Variants in DLGAP1 observed in about 807,000 individuals in gnomAD.
DLGAP1 encodes the protein DLG associated protein 1, also known as disks large-associated protein 1.
A neutral mutation model predicts 90.8 loss-of-function variants in DLGAP1; 11 were observed. The observed-to-expected ratio is 0.12, with a 90% CI of 0.08 to 0.20. DLGAP1 has a LOEUF of 0.20. DLGAP1 is among the 10% of genes least tolerant of loss of function. The pLI is 1.00. For synonymous variants in DLGAP1, 558 were observed against 540.7 expected, an observed-to-expected ratio of 1.03 and a Z score of -0.44; for missense variants, 1,050 against 1,333.8, an observed-to-expected ratio of 0.79 and a Z score of 3.31.
At chr18:4,142,553 T>A (rs1521421) in intron 2 of DLGAP1, among the ~76,000 whole-genome samples, 15,127 of 152,192 alleles carry the variant, frequency 0.099, 905 homozygotes, top group East Asian at 0.19. Context: ...GTCTGAAAAA[T>A]TCAAGTTATC....
In DLGAP1 at chr18:3,653,614, A is replaced by G. The variant is rs2059387607; in HGVS notation, c.1592-71366T>C. ...AGAAACAAAACTGCCTGCCATAGAC[A>G]CTTGGTAGGGAGTGGCAAATGGAAT... On this transcript the variant is annotated intron_variant, in intron 7 of 12. Coordinates refer to ENST00000315677, the MANE Select transcript of DLGAP1 (RefSeq NM_004746.4). This position sits in a 1 kb window ranked among gnomAD's most constrained non-coding sequence, Gnocchi z 4.6. The G allele has an allele frequency of 6.6e-6, 1 of 152,200 alleles. No individual in the cohort carries two copies. Among genetic ancestry groups the G allele is most frequent in the African/African-American group, 2.4e-5 (1 of 41,446 alleles). 9.4% of individuals were successfully genotyped at this position (152,200 alleles called of 1,614,324 possible).
intron 2 of DLGAP1, among the ~76,000 whole-genome samples, chr18:4,068,439 T>C (rs2075401372): frequency 6.6e-6 from 1 of 151,794 alleles, no homozygotes; most frequent in Non-Finnish European, 1.5e-5. Context: ...TATTTTTCCA[T>C]ATATTTACAT....
intron 7 of DLGAP1, among the ~76,000 whole-genome samples, chr18:3,694,180 G>T (rs1185512401): frequency 6.6e-6 from 1 of 152,028 alleles, no homozygotes; most frequent in Non-Finnish European, 1.5e-5. Context: ...GAATGATGGT[G>T]TCCAGCTTCA....
At chr18:3,874,716 C>G (rs1191547864) in intron 4 of DLGAP1, 10 of 1,533,034 alleles carry the variant, frequency 6.5e-6, no homozygotes, top group Non-Finnish European at 8.7e-6. Context: ...TGTTCCTGCT[C>G]CCAACCCTAA....
intron 7 of DLGAP1, among the ~76,000 whole-genome samples, chr18:3,728,649 G>A (rs892515142): frequency 1.3e-5 from 2 of 152,116 alleles, no homozygotes; most frequent in Admixed American, 6.5e-5. Flanking sequence ...TGGGTCATCC[G>A]TTTCTTCTTA....
intron 3 of DLGAP1, chr18:3,892,114 AACACACACACACACACACACACACAC>A (rs3985698): frequency 1.7e-4 from 23 of 132,404 alleles, no homozygotes; most frequent in African/African-American, 4.6e-4. Context: ...TCACCTCTAA[AACACACACACACACACACACACACAC>A]ACACACACAC....
At chr18:3,907,477 C>T (rs1392660304) in intron 3 of DLGAP1, among the ~76,000 whole-genome samples, 1 of 152,126 alleles carries the variant, frequency 6.6e-6, no homozygotes, top group African/African-American at 2.4e-5. Flanking sequence ...AGATCTCTTG[C>T]CTAAATTCCA....
intron 2 of DLGAP1, among the ~76,000 whole-genome samples, chr18:4,035,062 TAATC>T (rs1038617813): frequency 6.6e-6 from 1 of 152,224 alleles, no homozygotes; most frequent in African/African-American, 2.4e-5. Context: ...CGCATTTTCT[TAATC>T]CAGTCTATCA....
At chr18:4,143,577 G>A (rs2076531596) in intron 2 of DLGAP1, among the ~76,000 whole-genome samples, 1 of 151,876 alleles carries the variant, frequency 6.6e-6, no homozygotes, top group East Asian at 2.0e-4. Context: ...CCTGGTACTG[G>A]GTACCCCAAG....
intron 9 of DLGAP1, among the ~76,000 whole-genome samples, chr18:3,552,112 C>T (rs912786423): frequency 1.1e-4 from 16 of 152,052 alleles, no homozygotes; most frequent in African/African-American, 3.9e-4. Flanking sequence ...AGCAAGAGCA[C>T]TTTTCACTTC....
intron 9 of DLGAP1, among the ~76,000 whole-genome samples, chr18:3,540,873 G>GA (rs1207255536): frequency 1.3e-5 from 2 of 152,202 alleles, no homozygotes; most frequent in African/African-American, 4.8e-5. Context: ...AAAATAATGA[G>GA]AGTGGACGTG....
At position 3,729,473 on chromosome 18, in the gene DLGAP1, G is replaced by A; in HGVS notation, c.1351-98C>T. On this transcript the variant is annotated intron_variant, in intron 6 of 12. Transcript: ENST00000315677. This position sits in a 1 kb window ranked among gnomAD's most constrained non-coding sequence, Gnocchi z 6.2. Reference sequence around the variant, plus strand: ...ACTTCAATCCCCAGAAGAAAAAGCAGCGTCTGGTTAGATTAAGCTCAAATG... The same window carrying A: ...ACTTCAATCCCCAGAAGAAAAAGCAACGTCTGGTTAGATTAAGCTCAAATG... 3 of 1,492,566 alleles carry A rather than the reference G, an allele frequency of 2.0e-6. No homozygotes were observed. Among genetic ancestry groups the A allele is most frequent in the Non-Finnish European group, 2.7e-6 (3 of 1,109,702 alleles). 92.5% of individuals were successfully genotyped at this position (1,492,566 alleles called of 1,614,324 possible). A position where few individuals can be genotyped will look rare whatever the true frequency, so the allele number is the denominator to read the frequency against.
intron 1 of DLGAP1, among the ~76,000 whole-genome samples, chr18:4,287,910 G>A (rs114831696): frequency 0.03 from 4,606 of 151,584 alleles, 158 homozygotes; most frequent in African/African-American, 0.085. Context: ...AAAAAAGAGC[G>A]GGTACCCTGC....
At chr18:3,553,120 G>A (rs528647374) in intron 9 of DLGAP1, among the ~76,000 whole-genome samples, 1 of 152,098 alleles carries the variant, frequency 6.6e-6, no homozygotes, top group Admixed American at 6.6e-5. Flanking sequence ...TAAAAGTAAT[G>A]TTGATAATCC....
rs570178598 is a variant in DLGAP1, at chr18:4,022,009, C to A, written c.-158-16808G>T. ...AAGGAGGTATTATCACATTTTCTGT[C>A]CCCTAGTGAGAAAGACTAATCCTTT... On this transcript the variant is annotated intron_variant, in intron 2 of 12. Transcript: ENST00000315677. Among the ~76,000 whole-genome samples the A allele has an allele frequency of 3.3e-5, 5 of 152,236 alleles. No homozygotes were observed. In the East Asian group the frequency reaches 9.7e-4, roughly 29 times the overall value.
intron 3 of DLGAP1, among the ~76,000 whole-genome samples, chr18:3,940,428 A>G (rs2072743048): frequency 6.6e-6 from 1 of 152,220 alleles, no homozygotes; most frequent in Admixed American, 6.5e-5. Context: ...TTTGTTATGC[A>G]ATAATAGATT....
At chr18:3,832,656 A>C (rs886360383) in intron 4 of DLGAP1, among the ~76,000 whole-genome samples, 2 of 151,840 alleles carry the variant, frequency 1.3e-5, no homozygotes, top group African/African-American at 4.8e-5. Context: ...TGGAACGGCC[A>C]CAGAGAACCT....
intron 2 of DLGAP1, among the ~76,000 whole-genome samples, chr18:4,103,584 A>T (rs59130168): frequency 0.15 from 22,830 of 152,080 alleles, 1,851 homozygotes; most frequent in East Asian, 0.19. Flanking sequence ...CTGTCACCCC[A>T]CTACACGTTT....
At chr18:4,363,446 C>T (rs765094548) in intron 1 of DLGAP1, among the ~76,000 whole-genome samples, 2 of 152,140 alleles carry the variant, frequency 1.3e-5, no homozygotes, top group Non-Finnish European at 2.9e-5. Context: ...GCTGTCCTAA[C>T]ACAGTGAGTG....
Sources: gnomAD v4.1 joint callset for allele counts (sites outside exome capture counted in the v4.1 genomes callset) on GRCh38, gnomAD v4.1.1 for gene constraint, Gnocchi (gnomAD v3.1) non-coding constraint, MANE v1.5 for transcripts, NCBI Gene and HGNC (gene_info 2026-07-23, HGNC 2026-07-21) for gene names.